PRTFDC1: variants seen among roughly 807,000 people sequenced by gnomAD.
PRTFDC1 encodes the protein phosphoribosyltransferase domain-containing protein 1.
Under a neutral mutation model 34.6 loss-of-function variants are expected in PRTFDC1, and 38 were observed. That is an observed-to-expected ratio of 1.10 (90% CI 0.85 to 1.44). The LOEUF (loss-of-function observed/expected upper bound fraction) is 1.44. PRTFDC1 is among the 40% of genes most tolerant of loss of function. The pLI, the probability that PRTFDC1 is intolerant of heterozygous loss-of-function variation, is 0.00. For missense variants in PRTFDC1, 270 were observed against 283.0 expected, an observed-to-expected ratio of 0.95 and a Z score of 0.33; for synonymous variants, 93 against 98.1, an observed-to-expected ratio of 0.95 and a Z score of 0.31.
intron 3 of PRTFDC1, among the ~76,000 whole-genome samples, chr10:24,920,537 G>A (rs1848772166): frequency 6.6e-6 from 1 of 151,746 alleles, no homozygotes; most frequent in African/African-American, 2.4e-5. Context: ...TGTTGGGGAT[G>A]GAAGATGCGG....
intron 1 of PRTFDC1, among the ~76,000 whole-genome samples, chr10:24,947,167 G>A (rs1849263538): frequency 6.6e-6 from 1 of 152,086 alleles, no homozygotes; most frequent in Non-Finnish European, 1.5e-5. Context: ...TATAAAAGTA[G>A]AAGAAATATA....
At chr10:24,891,298 C>T (rs1848257505) in intron 3 of PRTFDC1, among the ~76,000 whole-genome samples, 1 of 151,950 alleles carries the variant, frequency 6.6e-6, no homozygotes, top group African/African-American at 2.4e-5. Flanking sequence ...AGGATATATA[C>T]CCTTAACATA....
intron 3 of PRTFDC1, among the ~76,000 whole-genome samples, chr10:24,907,960 CT>C (rs768216973): frequency 1.3e-5 from 2 of 152,156 alleles, no homozygotes; most frequent in Non-Finnish European, 2.9e-5. Context: ...ATGGCATGAC[CT>C]TTGTCCTAAG....
chr10:24,911,399 G>C (rs1400868999), intron 3 of PRTFDC1, among the ~76,000 whole-genome samples: 1 of 152,180 alleles, frequency 6.6e-6, no homozygotes, highest in Non-Finnish European at 1.5e-5. Context: ...CTGTGTTGCT[G>C]CTGGCATTCC....
At chr10:24,921,700 T>C (rs1848791368) in intron 3 of PRTFDC1, among the ~76,000 whole-genome samples, 1 of 134,160 alleles carries the variant, frequency 7.5e-6, no homozygotes, top group African/African-American at 3.0e-5. Context: ...TTTGAGTTCA[T>C]TTCTGTTCTC....
chr10:24,896,993 T>G (rs764842139), intron 3 of PRTFDC1, among the ~76,000 whole-genome samples: 1 of 152,128 alleles, frequency 6.6e-6, no homozygotes, highest in Non-Finnish European at 1.5e-5. Flanking sequence ...GAGAATTGCT[T>G]AAGTCCAGGA....
chr10:24,943,527 T>C (rs2132617320), intron 1 of PRTFDC1, among the ~76,000 whole-genome samples: 1 of 146,656 alleles, frequency 6.8e-6, no homozygotes, highest in East Asian at 2.1e-4. Flanking sequence ...ACTCTAGCTG[T>C]ATTCCAGTTT....
Position 24,937,043 on chromosome 10 carries a change from T to C in PRTFDC1, c.339+141A>G, listed in dbSNP as rs149210912. 41 of 789,310 alleles carry C rather than the reference T, an allele frequency of 5.2e-5. 1 individual carries two copies. The highest frequency in any genetic ancestry group is 7.3e-4 in the Middle Eastern group (2 of 2,726). The allele number at this position is 789,310 out of a possible 1,614,324, so 48.9% of individuals were successfully genotyped here. A position where few individuals can be genotyped will look rare whatever the true frequency, so the allele number is the denominator to read the frequency against. ...TTTGAATTCTTATGTTAGGTTGCCGTATTCTTGCAAATTAAAATTACCCTT... is the reference window on the plus strand; with the variant it reads ...TTTGAATTCTTATGTTAGGTTGCCGCATTCTTGCAAATTAAAATTACCCTT... On this transcript the variant is annotated intron_variant, in intron 3 of 8. Transcript: ENST00000320152.
At chr10:24,858,018 T>C (rs1847613606) in intron 5 of PRTFDC1, among the ~76,000 whole-genome samples, 1 of 152,238 alleles carries the variant, frequency 6.6e-6, no homozygotes, top group Non-Finnish European at 1.5e-5. Flanking sequence ...CAGAGGTCCT[T>C]AGCAAAGACA....
At chr10:24,947,510 G>A (rs1408658552) in intron 1 of PRTFDC1, among the ~76,000 whole-genome samples, 2 of 152,158 alleles carry the variant, frequency 1.3e-5, no homozygotes, top group African/African-American at 2.4e-5. Flanking sequence ...TAGCCAAGCT[G>A]GGGGAAGTGA....
intron 6 of PRTFDC1, 73 bp downstream of exon 6, chr10:24,856,840 C>A: frequency 7.7e-7 from 1 of 1,300,100 alleles, no homozygotes; most frequent in Non-Finnish European, 1.1e-6. Context: ...TTGGAAAGAG[C>A]ATCCTGTGTT....
chr10:24,896,757 G>A (rs573439597), intron 3 of PRTFDC1, among the ~76,000 whole-genome samples: 2 of 152,286 alleles, frequency 1.3e-5, no homozygotes, highest in Non-Finnish European at 2.9e-5. Context: ...CCAAACAAAA[G>A]TGCATACCAC....
chr10:24,895,700 T>TGTATTTACAG (rs1361872230), intron 3 of PRTFDC1, among the ~76,000 whole-genome samples: 1 of 129,284 alleles, frequency 7.7e-6, no homozygotes, highest in African/African-American at 3.0e-5. Flanking sequence ...TATATATATA[T>TGTATTTACAG]ATATATATAT....
At chr10:24,877,202 AT>A (rs982891394) in intron 3 of PRTFDC1, among the ~76,000 whole-genome samples, 5 of 149,814 alleles carry the variant, frequency 3.3e-5, no homozygotes, top group East Asian at 2.0e-4. Context: ...TGCCCGACTA[AT>A]TTTTTTTTTC....
chr10:24,875,859 T>G (rs1213854407), intron 3 of PRTFDC1, among the ~76,000 whole-genome samples: 2 of 148,708 alleles, frequency 1.3e-5, no homozygotes, highest in East Asian at 2.0e-4. Context: ...TTTTTTTTTT[T>G]TTTTTTTTTT....
chr10:24,856,611 A>C (rs1375214255), intron 6 of PRTFDC1, among the ~76,000 whole-genome samples: 1 of 152,180 alleles, frequency 6.6e-6, no homozygotes, highest in Non-Finnish European at 1.5e-5. Flanking sequence ...CAAACAAAGA[A>C]CAAAAAAAAT....
chr10:24,908,811 C>A, intron 3 of PRTFDC1: 2 of 1,372,614 alleles, frequency 1.5e-6, no homozygotes, highest in East Asian at 2.5e-5. Context: ...GCCCTCACAT[C>A]CCCCTTTTCC....
At chr10:24,920,043 A>G (rs1848759400) in intron 3 of PRTFDC1, among the ~76,000 whole-genome samples, 1 of 152,210 alleles carries the variant, frequency 6.6e-6, no homozygotes, top group East Asian at 1.9e-4. Flanking sequence ...AATTAGTTCA[A>G]CCATTATGGA....
intron 4 of PRTFDC1, among the ~76,000 whole-genome samples, chr10:24,869,763 G>A (rs979219181): frequency 2.6e-5 from 4 of 152,182 alleles, no homozygotes; most frequent in Non-Finnish European, 5.9e-5. Context: ...TCAACAAAGA[G>A]GGTGCTCCTC....
Sources: allele counts gnomAD v4.1 joint callset (sites outside exome capture counted in the v4.1 genomes callset), GRCh38; gene constraint gnomAD v4.1.1; transcripts MANE v1.5; gene names NCBI Gene and HGNC (gene_info 2026-07-23, HGNC 2026-07-21).